The following EGFR variants were observed in gnomAD, a reference collection of about 807,000 sequenced individuals.
EGFR encodes epidermal growth factor receptor.
EGFR carries 58 observed loss-of-function variants against 143.0 expected under a neutral mutation model. The observed-to-expected ratio is 0.41, with a 90% CI of 0.33 to 0.50. The LOEUF (loss-of-function observed/expected upper bound fraction) is 0.50, where lower values mean the gene tolerates loss of function less well. Ranked by LOEUF, EGFR falls within the 20% of genes least tolerant of loss-of-function variation. The pLI is 0.39. For synonymous variants in EGFR, 613 were observed against 594.4 expected (o/e 1.03, Z -0.45); for missense variants, 1,307 against 1,579.0 (o/e 0.83, Z 2.92).
chr7:55,108,929 T>G (rs924685185), intron 1 of EGFR, among the ~76,000 whole-genome samples: 1 of 152,212 alleles, frequency 6.6e-6, no homozygotes, highest in Admixed American at 6.5e-5. Context: ...GCTGTTCTTT[T>G]GGAGCTTACA....
At chr7:55,046,670 A>G (rs186383739) in intron 1 of EGFR, among the ~76,000 whole-genome samples, 3 of 152,242 alleles carry the variant, frequency 2.0e-5, no homozygotes, top group East Asian at 3.9e-4. Context: ...TACACATTTC[A>G]TATTAAAGAT....
chr7:55,111,841 A>G (rs1792510949), intron 1 of EGFR, among the ~76,000 whole-genome samples: 1 of 152,234 alleles, frequency 6.6e-6, no homozygotes, highest in Admixed American at 6.5e-5. Flanking sequence ...TTTTTGAAAC[A>G]GGAAGGAGGT....
chr7:55,171,260 C>G, intron 16 of EGFR, 47 bp downstream of exon 16: 1 of 1,611,124 alleles, frequency 6.2e-7, no homozygotes, highest in Non-Finnish European at 8.5e-7. Context: ...CAAGAATGAC[C>G]ACACTGCTGT....
intron 1 of EGFR, among the ~76,000 whole-genome samples, chr7:55,086,087 G>A (rs528718435): frequency 9.2e-5 from 14 of 152,076 alleles, no homozygotes; most frequent in East Asian, 1.9e-4. Context: ...GCCAGGTCCC[G>A]TGCCGTGCAA....
intron 19 of EGFR, among the ~76,000 whole-genome samples, chr7:55,176,699 C>A (rs1283734381): frequency 1.3e-5 from 2 of 151,344 alleles, no homozygotes; most frequent in African/African-American, 4.9e-5. Context: ...GGTGACAAAG[C>A]AAGACCCTGC....
At chr7:55,021,009 G>C (rs759978257) in intron 1 of EGFR, among the ~76,000 whole-genome samples, 4 of 152,044 alleles carry the variant, frequency 2.6e-5, no homozygotes, top group South Asian at 2.1e-4. Context: ...TGATCTGTTG[G>C]GCAGCCAGAT....
chr7:55,173,748 G>A (rs1786463721), intron 17 of EGFR, among the ~76,000 whole-genome samples, 173 bp from the exon 18 acceptor site: 2 of 152,258 alleles, frequency 1.3e-5, no homozygotes, highest in Admixed American at 6.5e-5. Context: ...CTTCTGTCAA[G>A]CTCTGTAGAG....
intron 22 of EGFR, among the ~76,000 whole-genome samples, chr7:55,193,255 G>T (rs1787479429): frequency 6.6e-6 from 1 of 152,148 alleles, no homozygotes; most frequent in African/African-American, 2.4e-5. Context: ...AACTACCCTG[G>T]CCCTTATGTG....
intron 1 of EGFR, among the ~76,000 whole-genome samples, chr7:55,131,979 C>T (rs1793869014): frequency 6.7e-6 from 1 of 150,366 alleles, no homozygotes; most frequent in Non-Finnish European, 1.5e-5. Flanking sequence ...GTGCACTGAC[C>T]TGCTCCTGGT....
intron 1 of EGFR, among the ~76,000 whole-genome samples, chr7:55,060,446 C>T (rs1324707095): frequency 6.6e-6 from 1 of 152,136 alleles, no homozygotes; most frequent in East Asian, 1.9e-4. Context: ...TTCTCAAAGT[C>T]TCACATTCTA....
intron 15 of EGFR, chr7:55,170,467 C>T (rs1786290321): frequency 6.2e-7 from 1 of 1,614,008 alleles, no homozygotes; most frequent in Non-Finnish European, 8.5e-7. Context: ...AGAGTTTCAG[C>T]TGGGTTGGGG....
Position 55,067,918 on chromosome 7 carries a change from ATG to A in EGFR, c.88+48559_88+48560del, listed in dbSNP as rs1035728349. Reference sequence around the variant, plus strand: ...TGTGTGTACGTGTGTGTTCCTGTGTATGTGTGTCTGCGCACGTGTGTATGCAT... The same window carrying A: ...TGTGTGTACGTGTGTGTTCCTGTGTATGTGTCTGCGCACGTGTGTATGCAT... On this transcript the variant is annotated intron_variant, in intron 1 of 27. Coordinates refer to ENST00000275493, the MANE Select transcript of EGFR (RefSeq NM_005228.5). Among the ~76,000 whole-genome samples the A allele has an allele frequency of 8.0e-5, 12 of 149,582 alleles. 1 individual carries two copies. Among genetic ancestry groups the A allele is most frequent in the African/African-American group, 2.3e-4 (9 of 39,912 alleles).
intron 1 of EGFR, among the ~76,000 whole-genome samples, chr7:55,128,320 T>A (rs781395772): frequency 6.6e-6 from 1 of 152,218 alleles, no homozygotes; most frequent in Non-Finnish European, 1.5e-5. Context: ...GTTAAAGAAA[T>A]CCACTGAAAT....
At chr7:55,174,429 T>C (rs1786498822) in intron 18 of EGFR, among the ~76,000 whole-genome samples, 1 of 152,246 alleles carries the variant, frequency 6.6e-6, no homozygotes, top group African/African-American at 2.4e-5. Context: ...CAGTTAGGCC[T>C]AGACGCAGCA....
chr7:55,102,827 G>A (rs551584338), intron 1 of EGFR, among the ~76,000 whole-genome samples: 2 of 152,266 alleles, frequency 1.3e-5, no homozygotes, highest in African/African-American at 4.8e-5. Context: ...CTATGTAACT[G>A]TTGGTTGATA....
chr7:55,087,869 C>T (rs917921117), intron 1 of EGFR, among the ~76,000 whole-genome samples: 1 of 152,202 alleles, frequency 6.6e-6, no homozygotes, highest in Admixed American at 6.5e-5. Flanking sequence ...CTCTCCTCTT[C>T]TCCTTTTGGA....
intron 14 of EGFR, among the ~76,000 whole-genome samples, chr7:55,164,745 A>G (rs1295881301): frequency 6.6e-6 from 1 of 152,212 alleles, no homozygotes; most frequent in Non-Finnish European, 1.5e-5. Context: ...TTGAGTCCCA[A>G]TGCTTTTATT....
intron 1 of EGFR, among the ~76,000 whole-genome samples, chr7:55,041,408 C>T (rs561691652): frequency 1.3e-5 from 2 of 151,120 alleles, no homozygotes; most frequent in Non-Finnish European, 3.0e-5. Flanking sequence ...GACACTCCAT[C>T]GCAAAAAAAA....
At chr7:55,025,242 G>A (rs1347924767) in intron 1 of EGFR, among the ~76,000 whole-genome samples, 1 of 152,188 alleles carries the variant, frequency 6.6e-6, no homozygotes, top group African/African-American at 2.4e-5. Flanking sequence ...TGCAGGAGTG[G>A]CATTGGAAAC....
Sources: gnomAD v4.1 joint callset for allele counts (sites outside exome capture counted in the v4.1 genomes callset) on GRCh38, gnomAD v4.1.1 for gene constraint, MANE v1.5 for transcripts, NCBI Gene and HGNC (gene_info 2026-07-23, HGNC 2026-07-21) for gene names.